The following FAM171A1 variants were observed in gnomAD, a reference collection of about 807,000 sequenced individuals.
FAM171A1 encodes family with sequence similarity 171 member A1.
In FAM171A1, 23 loss-of-function variants were observed where a neutral mutation model predicts 74.9. The observed-to-expected ratio is 0.31, with a 90% CI of 0.22 to 0.44. The LOEUF (loss-of-function observed/expected upper bound fraction) is 0.44, where lower values mean the gene tolerates loss of function less well. Ranked by LOEUF, FAM171A1 falls within the 20% of genes least tolerant of loss-of-function variation. FAM171A1 has a pLI of 1.00. For missense variants in FAM171A1, 1,162 were observed against 1,159.2 expected, an observed-to-expected ratio of 1.00 and a Z score of -0.03; for synonymous variants, 527 against 505.7, an observed-to-expected ratio of 1.04 and a Z score of -0.57.
intron 1 of FAM171A1, among the ~76,000 whole-genome samples, chr10:15,326,291 G>A (rs1429490240): frequency 6.6e-6 from 1 of 151,978 alleles, no homozygotes; most frequent in East Asian, 1.9e-4. Flanking sequence ...TTGGTGAGAG[G>A]AAGAGTTTCC....
At position 15,364,039 on chromosome 10, in the gene FAM171A1, C is replaced by T. The variant is rs1266910143; in HGVS notation, c.97+6917G>A. On this transcript the variant is annotated intron_variant, in intron 1 of 7. Transcript: ENST00000378116. ...AGGACAACTGGGAGGCCATTCAAGT[C>T]GGGTGGGTGGAGGGTGGGGGGGCGG... Among the ~76,000 whole-genome samples, 3 of 87,512 alleles carry T rather than the reference C, an allele frequency of 3.4e-5. No homozygotes were observed. In the East Asian group the frequency reaches 1.0e-3, roughly 30 times the overall value. 57.4% of individuals were successfully genotyped at this position (87,512 alleles called of 152,430 possible). A position where few individuals can be genotyped will look rare whatever the true frequency, so the allele number is the denominator to read the frequency against.
Position 15,235,256 on chromosome 10 carries a change from T to A in FAM171A1, c.754+13383A>T, listed in dbSNP as rs540185105. On this transcript the variant is annotated intron_variant, in intron 5 of 7. Coordinates refer to ENST00000378116, the MANE Select transcript of FAM171A1 (RefSeq NM_001010924.2). Reference sequence around the variant, plus strand: ...GGCAGAGGTTGCAGTGGGCCGAGATTGCGCCACTGCACTCCAGCCTGGGAG... The same window carrying A: ...GGCAGAGGTTGCAGTGGGCCGAGATAGCGCCACTGCACTCCAGCCTGGGAG... Among the ~76,000 whole-genome samples, 11 of 134,260 alleles carry A rather than the reference T, an allele frequency of 8.2e-5. No individual in the cohort carries two copies. In the Admixed American group the frequency reaches 9.2e-4, roughly 11 times the overall value. 88.1% of individuals were successfully genotyped at this position (134,260 alleles called of 152,430 possible).
chr10:15,288,409 G>A (rs887122707), intron 1 of FAM171A1, among the ~76,000 whole-genome samples: 1 of 152,124 alleles, frequency 6.6e-6, no homozygotes, highest in Non-Finnish European at 1.5e-5. Flanking sequence ...CCCATCACCC[G>A]AGCAGTATAC....
chr10:15,261,321 G>A (rs911643167), intron 3 of FAM171A1, among the ~76,000 whole-genome samples: 2 of 152,144 alleles, frequency 1.3e-5, no homozygotes, highest in African/African-American at 4.8e-5. Flanking sequence ...CTCCTTAAAT[G>A]GATCAGTGAA....
At chr10:15,368,073 A>C (rs12245252) in intron 1 of FAM171A1, among the ~76,000 whole-genome samples, 15,762 of 152,242 alleles carry the variant, frequency 0.1, 1,694 homozygotes, top group African/African-American at 0.27. Flanking sequence ...CCCAGAAAAT[A>C]GATTCGATAC....
chr10:15,349,818 A>C (rs142879582), intron 1 of FAM171A1, among the ~76,000 whole-genome samples: 1 of 152,302 alleles, frequency 6.6e-6, no homozygotes, highest in Non-Finnish European at 1.5e-5. Context: ...TAGTTAACTG[A>C]AAAGGCAACA....
intron 1 of FAM171A1, among the ~76,000 whole-genome samples, chr10:15,319,652 C>T (rs921162592): frequency 3.7e-4 from 56 of 152,102 alleles, no homozygotes; most frequent in African/African-American, 1.3e-3. Flanking sequence ...AGGCTGGTCT[C>T]GAACTCCTGA....
intron 1 of FAM171A1, among the ~76,000 whole-genome samples, chr10:15,286,037 C>G (rs1311676391): frequency 6.6e-6 from 1 of 152,216 alleles, no homozygotes; most frequent in African/African-American, 2.4e-5. Flanking sequence ...TCCCCATTTG[C>G]TAACTGGGAA....
chr10:15,285,288 G>A (rs1286509215), intron 1 of FAM171A1, among the ~76,000 whole-genome samples: 1 of 152,200 alleles, frequency 6.6e-6, no homozygotes, highest in East Asian at 1.9e-4. Context: ...GGCGTAGGAG[G>A]CTGGAGAGGC....
rs770442323 is a variant in FAM171A1 at position 15,221,068 on chromosome 10, ATT to A, written c.755-10_755-9del. On this transcript the variant is annotated splice_polypyrimidine_tract_variant and intron_variant, in intron 5 of 7. Coordinates refer to ENST00000378116, the MANE Select transcript of FAM171A1 (RefSeq NM_001010924.2). The stretch of plus-strand genomic sequence containing the variant: ...CGCTCTTCAGCCACGTTCCTGTGGA[ATT>A]GAGAAAGAGATGTTAGCTACAAGCA... The A allele has an allele frequency of 6.2e-7, 1 of 1,612,236 alleles. No individual in the cohort carries two copies. Among genetic ancestry groups the A allele is most frequent in the Non-Finnish European group, 8.5e-7 (1 of 1,178,542 alleles).
At chr10:15,298,823 T>G (rs1405891579) in intron 1 of FAM171A1, among the ~76,000 whole-genome samples, 2 of 152,192 alleles carry the variant, frequency 1.3e-5, no homozygotes, top group Non-Finnish European at 2.9e-5. Context: ...AAGAAAATGA[T>G]GGTGATGCAA....
chr10:15,282,938 C>T (rs1012139340), intron 2 of FAM171A1, among the ~76,000 whole-genome samples: 2 of 152,196 alleles, frequency 1.3e-5, no homozygotes, highest in Admixed American at 6.5e-5. Flanking sequence ...CCAAACTAAA[C>T]CTCTAGCCCA....
At position 15,278,101 on chromosome 10, in the gene FAM171A1, G is replaced by A. The variant is rs555382631; in HGVS notation, c.326-2154C>T. 1.2e-4 allele frequency among the ~76,000 whole-genome samples: 18 copies of A among 152,264 alleles called. 1 individual carries two copies. Among genetic ancestry groups the A allele is most frequent in the South Asian group, 6.2e-4 (3 of 4,824 alleles). On this transcript the variant is annotated intron_variant, in intron 2 of 7. Coordinates refer to ENST00000378116, the MANE Select transcript of FAM171A1 (RefSeq NM_001010924.2). ...GCCATAGGGCACCAGTGAGTTGGCC[G>A]TGGATGTGACCTCTTTTCACTCAGC...
intron 1 of FAM171A1, among the ~76,000 whole-genome samples, chr10:15,328,921 G>C (rs1835592081): frequency 6.7e-6 from 1 of 148,534 alleles, no homozygotes; most frequent in African/African-American, 2.6e-5. Flanking sequence ...ATGTCATCCT[G>C]GCAAACATGC....
chr10:15,334,827 C>A (rs895120645), intron 1 of FAM171A1, among the ~76,000 whole-genome samples: 3 of 152,200 alleles, frequency 2.0e-5, no homozygotes, highest in Non-Finnish European at 4.4e-5. Flanking sequence ...TAGCTGAATA[C>A]ACTTTATGCT....
chr10:15,361,956 A>T (rs1423870517), intron 1 of FAM171A1, among the ~76,000 whole-genome samples: 1 of 152,206 alleles, frequency 6.6e-6, no homozygotes, highest in Non-Finnish European at 1.5e-5. Flanking sequence ...AAACAAGGCA[A>T]ACAAAATTAT....
chr10:15,295,125 C>T (rs912809654), intron 1 of FAM171A1, among the ~76,000 whole-genome samples: 4 of 151,798 alleles, frequency 2.6e-5, no homozygotes, highest in Non-Finnish European at 5.9e-5. Context: ...TTAGTAGAGG[C>T]GGGGGTTTCA....
chr10:15,300,433 G>C (rs1835213746), intron 1 of FAM171A1, among the ~76,000 whole-genome samples: 3 of 152,104 alleles, frequency 2.0e-5, no homozygotes, highest in Admixed American at 1.3e-4. Flanking sequence ...TGAAAACACT[G>C]TAAGATTGGT....
At chr10:15,273,107 GT>G (rs1223430228) in intron 3 of FAM171A1, among the ~76,000 whole-genome samples, 1 of 152,018 alleles carries the variant, frequency 6.6e-6, no homozygotes, top group Non-Finnish European at 1.5e-5. Flanking sequence ...CCAGGAGCTG[GT>G]TTTTTGAAAA....
Sources: allele counts gnomAD v4.1 joint callset (sites outside exome capture counted in the v4.1 genomes callset), GRCh38; gene constraint gnomAD v4.1.1; transcripts MANE v1.5; gene names NCBI Gene and HGNC (gene_info 2026-07-23, HGNC 2026-07-21).